The following AATF variants were observed in gnomAD, a reference collection of about 807,000 sequenced individuals.
AATF encodes the protein apoptosis antagonizing transcription factor.
AATF carries 48 observed loss-of-function variants against 63.7 expected under a neutral mutation model. The observed-to-expected ratio is 0.75, with a 90% CI of 0.60 to 0.96. AATF has a LOEUF of 0.96. Among genes scored for constraint, AATF ranks in the 40% least tolerant of loss-of-function variants. The pLI is 0.00. For missense variants in AATF, 639 were observed against 685.7 expected (o/e 0.93, Z 0.76); for synonymous variants, 258 against 247.7 (o/e 1.04, Z -0.39).
intron 11 of AATF, among the ~76,000 whole-genome samples, chr17:37,045,289 G>T (rs191944676): frequency 3.3e-5 from 5 of 152,306 alleles, no homozygotes; most frequent in African/African-American, 1.2e-4. Context: ...CTCCACTTAC[G>T]TGGTAAATAA....
intron 4 of AATF, among the ~76,000 whole-genome samples, chr17:36,973,635 A>C (rs962838943): frequency 3.9e-5 from 6 of 152,232 alleles, no homozygotes. Context: ...TTCATTCACT[A>C]AGAGTTAGAC....
At chr17:36,988,245 A>G (rs1261664653) in intron 5 of AATF, among the ~76,000 whole-genome samples, 2 of 152,158 alleles carry the variant, frequency 1.3e-5, no homozygotes, top group Non-Finnish European at 2.9e-5. Context: ...TGAACCCAGA[A>G]GTGGAGGTTG....
chr17:37,013,408 G>T (rs901351713), intron 8 of AATF, among the ~76,000 whole-genome samples: 3 of 152,200 alleles, frequency 2.0e-5, no homozygotes, highest in African/African-American at 4.8e-5. Flanking sequence ...AGGAAGAAAG[G>T]TTTCTTTGGT....
At chr17:36,957,671 G>A (rs1183642985) in intron 4 of AATF, among the ~76,000 whole-genome samples, 1 of 152,130 alleles carries the variant, frequency 6.6e-6, no homozygotes, top group Non-Finnish European at 1.5e-5. Context: ...TACCTGTGCT[G>A]TTTGGGTTCT....
intron 9 of AATF, 83 bp downstream of exon 9, chr17:37,019,155 A>G: frequency 9.1e-7 from 1 of 1,098,568 alleles, no homozygotes; most frequent in Non-Finnish European, 1.4e-6. Context: ...CTACCTGCAA[A>G]GCAATGATTG....
At chr17:37,042,617 T>G (rs2142314206) in intron 11 of AATF, among the ~76,000 whole-genome samples, 1 of 150,720 alleles carries the variant, frequency 6.6e-6, no homozygotes, top group Non-Finnish European at 1.5e-5. Context: ...GGGGTCTTGC[T>G]GTGTTGCCCC....
At chr17:37,013,681 C>T (rs1247295692) in intron 8 of AATF, among the ~76,000 whole-genome samples, 1 of 152,108 alleles carries the variant, frequency 6.6e-6, no homozygotes, top group East Asian at 1.9e-4. Flanking sequence ...CCATTAGGCC[C>T]CTCCAACATT....
intron 8 of AATF, among the ~76,000 whole-genome samples, chr17:36,993,097 A>C (rs2071227912): frequency 6.6e-6 from 1 of 152,236 alleles, no homozygotes; most frequent in South Asian, 2.1e-4. Flanking sequence ...GAAACCCTGC[A>C]GATTCTAAAT....
intron 1 of AATF, 52 bp downstream of exon 1, chr17:36,949,268 G>A: frequency 6.6e-7 from 1 of 1,506,100 alleles, no homozygotes; most frequent in Middle Eastern, 1.8e-4. Context: ...CAGGCCCTGT[G>A]GGGCAAGGGG....
At chr17:37,035,723 T>G (rs1037284932) in intron 11 of AATF, among the ~76,000 whole-genome samples, 13 of 152,180 alleles carry the variant, frequency 8.5e-5, no homozygotes, top group African/African-American at 3.1e-4. Flanking sequence ...CTAGGATTAC[T>G]GGCGTGAGCC....
intron 4 of AATF, among the ~76,000 whole-genome samples, chr17:36,976,906 T>A (rs2071083953): frequency 6.6e-6 from 1 of 152,180 alleles, no homozygotes; most frequent in Non-Finnish European, 1.5e-5. Flanking sequence ...CTAGCAAAAG[T>A]TGTTAATTGT....
chr17:37,029,391 A>G (rs2071535313), intron 10 of AATF, among the ~76,000 whole-genome samples: 1 of 150,798 alleles, frequency 6.6e-6, no homozygotes, highest in Non-Finnish European at 1.5e-5. Flanking sequence ...TTACAGGCAC[A>G]CACCACCACG....
chr17:37,044,737 G>A (rs530986661), intron 11 of AATF, among the ~76,000 whole-genome samples: 8 of 152,182 alleles, frequency 5.3e-5, no homozygotes, highest in Non-Finnish European at 8.8e-5. Context: ...TATTATCCCC[G>A]TTGAGCATGC....
chr17:37,048,144 GA>G (rs1567997816), intron 11 of AATF, among the ~76,000 whole-genome samples: 1 of 152,020 alleles, frequency 6.6e-6, no homozygotes, highest in Non-Finnish European at 1.5e-5. Context: ...TTTCAGGAGA[GA>G]AGCCTGTGAT....
At chr17:37,000,302 C>T (rs981415577) in intron 8 of AATF, among the ~76,000 whole-genome samples, 19 of 152,158 alleles carry the variant, frequency 1.2e-4, no homozygotes, top group Non-Finnish European at 2.5e-4. Context: ...AGAGAGTAGT[C>T]AAGAATGACC....
intron 4 of AATF, 105 bp from the exon 5 acceptor site, chr17:36,986,512 C>T (rs1597713592): frequency 2.4e-6 from 2 of 848,002 alleles, no homozygotes; most frequent in East Asian, 4.9e-5. Flanking sequence ...GCCTCCCCTT[C>T]ACTCCCCACA....
At chr17:36,982,862 C>T (rs935871017) in intron 4 of AATF, among the ~76,000 whole-genome samples, 1 of 152,162 alleles carries the variant, frequency 6.6e-6, no homozygotes, top group Non-Finnish European at 1.5e-5. Context: ...TTTCCCTCTT[C>T]TCAGCCCCTG....
intron 8 of AATF, chr17:36,998,706 A>G (rs1001595322): frequency 2.0e-5 from 3 of 152,216 alleles, no homozygotes; most frequent in African/African-American, 7.2e-5. Context: ...TGGACAATAT[A>G]GTGAGACCCT....
rs567275469 is a variant in AATF at position 36,981,706 on chromosome 17, T to TC, written c.833-4911_833-4910insC. On this transcript the variant is annotated intron_variant, in intron 4 of 11. Coordinates refer to ENST00000619387, the MANE Select transcript of AATF (RefSeq NM_012138.4). ...CTTCTTCTTCTTCTTTCTTTTCTTTTTTTTTTTTTTTTTGACAGTCAGTGT... is the reference window on the plus strand; with the variant it reads ...CTTCTTCTTCTTCTTTCTTTTCTTTTCTTTTTTTTTTTTTGACAGTCAGTGT... Among the ~76,000 whole-genome samples, 635 of 141,654 alleles carry TC rather than the reference T, an allele frequency of 4.5e-3. 3 individuals carry two copies. Among genetic ancestry groups the TC allele is most frequent in the Non-Finnish European group, 7.7e-3 (513 of 66,458 alleles). The allele number at this position is 141,654 out of a possible 152,430, so 92.9% of individuals were successfully genotyped here.
Sources: gnomAD v4.1 joint callset for allele counts (sites outside exome capture counted in the v4.1 genomes callset) on GRCh38, gnomAD v4.1.1 for gene constraint, MANE v1.5 for transcripts, NCBI Gene and HGNC (gene_info 2026-07-23, HGNC 2026-07-21) for gene names.